TP63: variants seen among roughly 807,000 people sequenced by gnomAD.
TP63 encodes the protein tumor protein 63.
A neutral mutation model predicts 82.8 loss-of-function variants in TP63; 17 were observed. The observed-to-expected ratio is 0.21, with a 90% CI of 0.14 to 0.31. TP63 has a LOEUF of 0.31. TP63 is among the 10% of genes least tolerant of loss of function. TP63 has a pLI of 1.00. For missense variants in TP63, 648 were observed against 895.3 expected (o/e 0.72, Z 3.52); for synonymous variants, 330 against 321.7 (o/e 1.03, Z -0.28).
intron 1 of TP63, among the ~76,000 whole-genome samples, chr3:189,649,619 C>T (rs1023110968): frequency 1.4e-5 from 2 of 146,952 alleles, no homozygotes; most frequent in African/African-American, 5.1e-5. Context: ...TACCCCCAAA[C>T]TTAAAAGTTA....
intron 3 of TP63, among the ~76,000 whole-genome samples, chr3:189,807,960 A>G (rs1727094256): frequency 6.6e-6 from 1 of 152,208 alleles, no homozygotes; most frequent in Non-Finnish European, 1.5e-5. Flanking sequence ...CTAAGCAGCT[A>G]CTGAGCACTG....
intron 1 of TP63, among the ~76,000 whole-genome samples, chr3:189,710,478 G>A (rs75978356): frequency 0.017 from 2,572 of 150,960 alleles, 71 homozygotes; most frequent in African/African-American, 0.057. Flanking sequence ...TATAATGTTA[G>A]CCAAATAGAT....
chr3:189,795,843 G>T (rs1015553702), intron 3 of TP63, among the ~76,000 whole-genome samples: 5 of 151,938 alleles, frequency 3.3e-5, no homozygotes, highest in African/African-American at 1.2e-4. Context: ...AAGAAAATTA[G>T]CCCGAATGAT....
intron 1 of TP63, among the ~76,000 whole-genome samples, chr3:189,649,375 G>C (rs1047966346): frequency 1.4e-5 from 2 of 146,778 alleles, no homozygotes; most frequent in African/African-American, 5.1e-5. Context: ...TGCAGGAATA[G>C]AAAACCAAAT....
intron 4 of TP63, among the ~76,000 whole-genome samples, chr3:189,819,449 C>T (rs911985831): frequency 1.4e-4 from 21 of 152,198 alleles, no homozygotes; most frequent in African/African-American, 4.8e-4. Context: ...CCCCCCTTCC[C>T]TCACCCCACA....
At chr3:189,777,398 T>C (rs892117485) in intron 3 of TP63, among the ~76,000 whole-genome samples, 2 of 152,122 alleles carry the variant, frequency 1.3e-5, no homozygotes, top group Non-Finnish European at 2.9e-5. Context: ...GATTTCACCA[T>C]GTTGGTCAGG....
At chr3:189,782,313 G>A (rs773551442) in intron 3 of TP63, among the ~76,000 whole-genome samples, 7 of 152,120 alleles carry the variant, frequency 4.6e-5, no homozygotes, top group Non-Finnish European at 7.3e-5. Context: ...GGTGAAACCC[G>A]AAGCCCAGGT....
At position 189,766,982 on chromosome 3, in the gene TP63, T is replaced by A. The variant is rs113229129; in HGVS notation, c.324+28208T>A. 7.1e-3 allele frequency among the ~76,000 whole-genome samples: 1,082 copies of A among 152,314 alleles called. 16 individuals are homozygous for A. The highest frequency in any genetic ancestry group is 0.025 in the African/African-American group (1,031 of 41,568). Reference sequence around the variant, plus strand: ...GCCTGGGAGTGATTTTAGGAAATATTAAGTATATATTTTCTTGGCTGGCAC... The same window carrying A: ...GCCTGGGAGTGATTTTAGGAAATATAAAGTATATATTTTCTTGGCTGGCAC... On this transcript the variant is annotated intron_variant, in intron 3 of 13. Transcript: ENST00000264731.
intron 4 of TP63, chr3:189,844,484 C>T (rs1403217868): frequency 1.2e-5 from 3 of 253,740 alleles, no homozygotes; most frequent in Non-Finnish European, 1.6e-5. Flanking sequence ...TGGGGTTTCA[C>T]TATGTTGTCC....
intron 4 of TP63, among the ~76,000 whole-genome samples, chr3:189,859,076 C>G (rs1210120047): frequency 6.6e-6 from 1 of 151,992 alleles, no homozygotes; most frequent in African/African-American, 2.4e-5. Flanking sequence ...CTATAGTTAA[C>G]AGTAATGTAT....
the TP63 span, among the ~76,000 whole-genome samples, chr3:189,610,032 C>G: frequency 7.5e-3 from 1,139 of 152,258 alleles, 7 homozygotes; most frequent in Non-Finnish European, 0.012. Flanking sequence ...AGCAATCTCA[C>G]TAGCATTTGT....
At chr3:189,848,924 G>C (rs1481120500) in intron 4 of TP63, among the ~76,000 whole-genome samples, 1 of 152,140 alleles carries the variant, frequency 6.6e-6, no homozygotes, top group Admixed American at 6.5e-5. Flanking sequence ...TGGGGGTCTG[G>C]TCACTGGAAA....
intron 3 of TP63, among the ~76,000 whole-genome samples, chr3:189,739,106 A>T (rs765813310): frequency 6.6e-6 from 1 of 152,026 alleles, no homozygotes; most frequent in Non-Finnish European, 1.5e-5. Flanking sequence ...AAGAATCAGA[A>T]ATTTATTTTA....
chr3:189,893,035 A>G (rs186022496), intron 13 of TP63, among the ~76,000 whole-genome samples: 1 of 152,188 alleles, frequency 6.6e-6, no homozygotes, highest in Admixed American at 6.5e-5. Context: ...CTCAGCTTTT[A>G]TCTTAGAGCC....
the TP63 span, among the ~76,000 whole-genome samples, chr3:189,598,508 T>C: frequency 1.3e-5 from 2 of 151,818 alleles, no homozygotes; most frequent in African/African-American, 4.8e-5. Flanking sequence ...CAGGCTAAAG[T>C]CAAAGAAAAA....
At chr3:189,856,169 G>A (rs1716268271) in intron 4 of TP63, among the ~76,000 whole-genome samples, 1 of 151,436 alleles carries the variant, frequency 6.6e-6, no homozygotes, top group African/African-American at 2.4e-5. Flanking sequence ...TAAAAAATCT[G>A]TTTAGAATGG....
intron 1 of TP63, among the ~76,000 whole-genome samples, chr3:189,657,150 A>G (rs1713454545): frequency 6.6e-6 from 1 of 152,078 alleles, no homozygotes; most frequent in Non-Finnish European, 1.5e-5. Context: ...TAGAGCTAAG[A>G]AAAAGATTAC....
At chr3:189,737,091 T>G (rs866850075) in intron 1 of TP63, among the ~76,000 whole-genome samples, 1 of 152,168 alleles carries the variant, frequency 6.6e-6, no homozygotes, top group African/African-American at 2.4e-5. Context: ...AGTGTTCAGA[T>G]GTTTGCTTAT....
intron 1 of TP63, among the ~76,000 whole-genome samples, chr3:189,634,217 C>T (rs1359336279): frequency 2.0e-5 from 3 of 151,850 alleles, no homozygotes; most frequent in Admixed American, 2.0e-4. Context: ...TAGTCATCTA[C>T]ATAGTTAAAT....
Sources: allele counts gnomAD v4.1 joint callset (sites outside exome capture counted in the v4.1 genomes callset), GRCh38; gene constraint gnomAD v4.1.1; transcripts MANE v1.5; gene names NCBI Gene and HGNC (gene_info 2026-07-23, HGNC 2026-07-21).